The following PPP6C variants were observed in gnomAD, a reference collection of about 807,000 sequenced individuals.
PPP6C encodes the protein protein phosphatase 6 catalytic subunit.
PPP6C carries 11 observed loss-of-function variants against 39.8 expected under a neutral mutation model. That is an observed-to-expected ratio of 0.28 (90% confidence interval 0.17 to 0.46). The LOEUF is 0.46. Ranked by LOEUF, PPP6C falls within the 20% of genes least tolerant of loss-of-function variation. PPP6C has a pLI of 1.00. For missense variants in PPP6C, 211 were observed against 373.9 expected (o/e 0.56, Z 3.59); for synonymous variants, 129 against 130.3 (o/e 0.99, Z 0.07).
intron 1 of PPP6C, chr9:125,189,016 G>A (rs2131349354): frequency 8.3e-7 from 1 of 1,202,358 alleles, no homozygotes. Context: ...ATCCACTTCA[G>A]TAAGCTCAAC....
chr9:125,173,679 G>A (rs553931360), intron 1 of PPP6C, among the ~76,000 whole-genome samples: 7 of 151,958 alleles, frequency 4.6e-5, no homozygotes, highest in African/African-American at 1.4e-4. Context: ...GTGCAGTGGC[G>A]CAATCTCAGC....
At chr9:125,152,824 CTT>C (rs984346406) in intron 6 of PPP6C, among the ~76,000 whole-genome samples, 39 of 148,420 alleles carry the variant, frequency 2.6e-4, no homozygotes, top group South Asian at 4.3e-4. Context: ...GAGCGAAACT[CTT>C]GTCTCAAAAA....
chr9:125,153,805 G>A (rs1836006655), intron 5 of PPP6C, 63 bp from the exon 6 acceptor site: 3 of 1,530,836 alleles, frequency 2.0e-6, no homozygotes, highest in Non-Finnish European at 2.7e-6. Flanking sequence ...ACTCATCAGT[G>A]AATACTAAAG....
At chr9:125,172,748 CACAAACACACACACACACACACAA>C (rs1050947817) in intron 1 of PPP6C, among the ~76,000 whole-genome samples, 1 of 141,090 alleles carries the variant, frequency 7.1e-6, no homozygotes, top group African/African-American at 3.0e-5. Context: ...CACACACACA[CACAAACACACACACACACACACAA>C]ACACAAGTAA....
At position 125,169,587 on chromosome 9, in the gene PPP6C, T is replaced by G. The variant is rs142890981; in HGVS notation, c.171+1498A>C. On this transcript the variant is annotated intron_variant, in intron 2 of 6. Coordinates refer to ENST00000373547, the MANE Select transcript of PPP6C (RefSeq NM_002721.5). Reference sequence around the variant, plus strand: ...TGTTAGCAAAATACAAATGTTTACTTTGAGAGAGAAGTTACATAGAAACTT... The same window carrying G: ...TGTTAGCAAAATACAAATGTTTACTGTGAGAGAGAAGTTACATAGAAACTT... Among the ~76,000 whole-genome samples, 263 of 152,008 alleles carry G rather than the reference T, an allele frequency of 1.7e-3. 1 individual carries two copies. Among genetic ancestry groups the G allele is most frequent in the Middle Eastern group, 0.017 (5 of 294 alleles).
intron 1 of PPP6C, among the ~76,000 whole-genome samples, 157 bp from the exon 2 acceptor site, chr9:125,171,337 T>A (rs1033462925): frequency 6.6e-6 from 1 of 151,648 alleles, no homozygotes; most frequent in African/African-American, 2.4e-5. Flanking sequence ...TGGATTTCTG[T>A]CAGCTGTCAC....
chr9:125,163,639 C>A (rs762460964), intron 2 of PPP6C, among the ~76,000 whole-genome samples: 4 of 152,074 alleles, frequency 2.6e-5, no homozygotes, highest in Admixed American at 2.0e-4. Flanking sequence ...CCATGTTGGT[C>A]AGGCTGGTCC....
At chr9:125,158,661 TTTTC>T (rs1478317168) in intron 3 of PPP6C, among the ~76,000 whole-genome samples, 1 of 151,856 alleles carries the variant, frequency 6.6e-6, no homozygotes, top group Non-Finnish European at 1.5e-5. Flanking sequence ...CACCATTTTT[TTTTC>T]TTTTTTTTCT....
chr9:125,189,260 G>A (rs946081793), intron 1 of PPP6C, among the ~76,000 whole-genome samples: 2 of 152,224 alleles, frequency 1.3e-5, no homozygotes, highest in Admixed American at 6.5e-5. Flanking sequence ...TGTCACCTCC[G>A]GTGGAGGCGA....
intron 3 of PPP6C, among the ~76,000 whole-genome samples, chr9:125,160,213 A>G (rs942677318): frequency 1.3e-5 from 2 of 152,240 alleles, no homozygotes; most frequent in Admixed American, 6.5e-5. Flanking sequence ...GTCTGAATAA[A>G]TAATAGTCAA....
chr9:125,163,792 T>G (rs550979824), intron 2 of PPP6C, among the ~76,000 whole-genome samples: 2 of 152,198 alleles, frequency 1.3e-5, no homozygotes, highest in Non-Finnish European at 2.9e-5. Flanking sequence ...GGTAGACGAT[T>G]AAATATTCTG....
chr9:125,147,273 AG>A lies in PPP6C; in HGVS notation c.*2399del, dbSNP rs1835832925. On this transcript the variant is annotated 3_prime_UTR_variant, in exon 7 of 7. Transcript: ENST00000373547. ...CTTTATTAGAAACCAAGTATATCAT[AG>A]GCAAATAAAAATAGTTTTTACCCCC... is the stretch of plus-strand genomic sequence containing the variant. 6.6e-6 allele frequency: 1 copy of A among 152,230 alleles called. No individual in the cohort carries two copies. Among genetic ancestry groups the A allele is most frequent in the African/African-American group, 2.4e-5 (1 of 41,458 alleles). 9.4% of individuals were successfully genotyped at this position (152,230 alleles called of 1,614,324 possible). A position where few individuals can be genotyped will look rare whatever the true frequency, so the allele number is the denominator to read the frequency against.
chr9:125,157,249 G>A (rs1182853637), intron 4 of PPP6C, among the ~76,000 whole-genome samples: 2 of 151,616 alleles, frequency 1.3e-5, no homozygotes, highest in Non-Finnish European at 2.9e-5. Flanking sequence ...CCAAAGTGCT[G>A]GGATTACAGG....
chr9:125,156,091 G>C (rs1836065884), intron 4 of PPP6C, among the ~76,000 whole-genome samples: 1 of 151,874 alleles, frequency 6.6e-6, no homozygotes, highest in Admixed American at 6.6e-5. Flanking sequence ...TTTTGCAAAA[G>C]AATCCAAAAG....
At chr9:125,154,166 C>G (rs367937822) in intron 4 of PPP6C, among the ~76,000 whole-genome samples, 181 bp from the exon 5 acceptor site, 11 of 152,228 alleles carry the variant, frequency 7.2e-5, no homozygotes, top group Admixed American at 5.2e-4. Context: ...TAGTGACTAA[C>G]TACATACAGT....
At chr9:125,165,778 A>C (rs991268002) in intron 2 of PPP6C, among the ~76,000 whole-genome samples, 1 of 149,398 alleles carries the variant, frequency 6.7e-6, no homozygotes, top group Non-Finnish European at 1.5e-5. Context: ...ATCTGAAACC[A>C]TAACAGTAAT....
chr9:125,156,839 G>A (rs1382771601), intron 4 of PPP6C, among the ~76,000 whole-genome samples: 9 of 151,348 alleles, frequency 5.9e-5, no homozygotes, highest in Admixed American at 5.9e-4. Flanking sequence ...TTGAGACAGA[G>A]TCTGGCTCAG....
intron 1 of PPP6C, among the ~76,000 whole-genome samples, chr9:125,171,599 G>A (rs1829169305): frequency 6.8e-6 from 1 of 148,008 alleles, no homozygotes. Flanking sequence ...TGTCTCCCAG[G>A]CTGAAATGCA....
chr9:125,150,597 C>G, intron 6 of PPP6C: 1 of 825,832 alleles, frequency 1.2e-6, no homozygotes, highest in Admixed American at 1.9e-5. Context: ...GTTGCAGTCT[C>G]TGCAGCAGCA....
Sources: allele counts gnomAD v4.1 joint callset (sites outside exome capture counted in the v4.1 genomes callset), GRCh38; gene constraint gnomAD v4.1.1; transcripts MANE v1.5; gene names NCBI Gene and HGNC (gene_info 2026-07-23, HGNC 2026-07-21).